The following DAPK2 variants were observed in gnomAD, a reference collection of about 807,000 sequenced individuals.
The protein encoded by DAPK2 is death associated protein kinase 2.
DAPK2 carries 35 observed loss-of-function variants against 44.1 expected under a neutral mutation model. The ratio of observed to expected loss-of-function variants is 0.79; its 90% confidence interval spans 0.61 to 1.05. The LOEUF (loss-of-function observed/expected upper bound fraction) is 1.05, where lower values mean the gene tolerates loss of function less well. DAPK2 is among the 50% of genes least tolerant of loss of function. DAPK2 has a pLI of 0.00. For synonymous variants in DAPK2, 174 were observed against 182.6 expected, an observed-to-expected ratio of 0.95 and a Z score of 0.38; for missense variants, 453 against 483.2, an observed-to-expected ratio of 0.94 and a Z score of 0.59.
rs1279498462 is a variant in DAPK2 at position 63,923,106 on chromosome 15, TG to T, written c.858+1709del. Reference sequence around the variant, plus strand: ...TACCAAGCTTCCTTCTCATTGAAGATGGAGACCAGGGCCTCCACATCGTCCT... The same window carrying T: ...TACCAAGCTTCCTTCTCATTGAAGATGAGACCAGGGCCTCCACATCGTCCT... On this transcript the variant is annotated intron_variant, in intron 8 of 10. Transcript: ENST00000261891. This position sits in a 1 kb window ranked among gnomAD's most constrained non-coding sequence, Gnocchi z 4.2. 1 of 1,535,784 alleles carries T rather than the reference TG, an allele frequency of 6.5e-7. No individual in the cohort carries two copies. Among genetic ancestry groups the T allele is most frequent in the African/African-American group, 1.4e-5 (1 of 73,038 alleles).
At chr15:63,956,139 T>C (rs2077716163) in intron 3 of DAPK2, among the ~76,000 whole-genome samples, 1 of 152,220 alleles carries the variant, frequency 6.6e-6, no homozygotes, top group Non-Finnish European at 1.5e-5. Context: ...GTATCAGTTG[T>C]AATGTCTCCT....
At chr15:63,989,569 G>A (rs769649131) in intron 1 of DAPK2, among the ~76,000 whole-genome samples, 7 of 152,178 alleles carry the variant, frequency 4.6e-5, no homozygotes, top group South Asian at 2.1e-4. Flanking sequence ...AACAGTATTC[G>A]ACATTGTTTT....
In DAPK2 at chr15:63,923,456, G is replaced by A. The variant is rs527349558; in HGVS notation, c.858+1360C>T. 180 of 1,460,040 alleles carry A rather than the reference G, an allele frequency of 1.2e-4. No homozygotes were observed. Among genetic ancestry groups the A allele is most frequent in the Admixed American group, 3.1e-4 (13 of 41,582 alleles). The allele number at this position is 1,460,040 out of a possible 1,614,324, so 90.4% of individuals were successfully genotyped here. A position where few individuals can be genotyped will look rare whatever the true frequency, so the allele number is the denominator to read the frequency against. On this transcript the variant is annotated intron_variant, in intron 8 of 10. Transcript: ENST00000261891. This position sits in a 1 kb window ranked among gnomAD's most constrained non-coding sequence, Gnocchi z 4.2. ...GCGGCCTCTGGCATTCACTGCATGCGTCAGGCCATGGGGAGAACCAGGGTG... is the reference window on the plus strand; with the variant it reads ...GCGGCCTCTGGCATTCACTGCATGCATCAGGCCATGGGGAGAACCAGGGTG...
At chr15:64,036,844 C>G (rs2080225265) in intron 1 of DAPK2, among the ~76,000 whole-genome samples, 1 of 152,128 alleles carries the variant, frequency 6.6e-6, no homozygotes, top group Non-Finnish European at 1.5e-5. Flanking sequence ...CCCATGCCTT[C>G]CTCCTAGAAG....
chr15:63,947,454 C>A lies in DAPK2; in HGVS notation c.454-8093G>T, dbSNP rs1017269746. On this transcript the variant is annotated intron_variant, in intron 3 of 10. Transcript: ENST00000261891. Reference sequence around the variant, plus strand: ...GGACAAATAAAGAAATGGGCCAATGCGGTCACATATGCATCTCTCACACAT... The same window carrying A: ...GGACAAATAAAGAAATGGGCCAATGAGGTCACATATGCATCTCTCACACAT... Among the ~76,000 whole-genome samples the A allele has an allele frequency of 5.9e-5, 9 of 152,314 alleles. No homozygotes were observed. In the East Asian group the frequency reaches 1.4e-3, roughly 23 times the overall value.
intron 1 of DAPK2, among the ~76,000 whole-genome samples, chr15:64,035,684 C>A (rs540925516): frequency 1.3e-5 from 2 of 152,328 alleles, no homozygotes; most frequent in East Asian, 3.9e-4. Flanking sequence ...CTGATTGCTA[C>A]CAAGGCTGGG....
chr15:63,944,786 C>A (rs140357335), intron 3 of DAPK2, among the ~76,000 whole-genome samples: 1 of 152,148 alleles, frequency 6.6e-6, no homozygotes, highest in Non-Finnish European at 1.5e-5. Flanking sequence ...CACTGGCCAC[C>A]GGAGAAAGTC....
intron 2 of DAPK2, among the ~76,000 whole-genome samples, chr15:63,981,703 C>T (rs895164270): frequency 7.3e-5 from 11 of 151,226 alleles, no homozygotes; most frequent in African/African-American, 2.7e-4. Context: ...AGTGGCTCGG[C>T]CTTTCCAGAA....
chr15:63,933,374 G>A (rs2077031509), intron 4 of DAPK2, among the ~76,000 whole-genome samples: 1 of 152,054 alleles, frequency 6.6e-6, no homozygotes, highest in Non-Finnish European at 1.5e-5. Context: ...CTCCCAAGTA[G>A]CTGGGATTAC....
In DAPK2 at chr15:63,972,039, T is replaced by C. The variant is rs143701423; in HGVS notation, c.315-478A>G. ...ACCTCACAAATGAGATTAGTGCCCT[T>C]ATAAAAGAGACCCCAGAGGGCTTAC... On this transcript the variant is annotated intron_variant, in intron 2 of 10. Coordinates refer to ENST00000261891, the Ensembl canonical transcript of DAPK2. Among the ~76,000 whole-genome samples the C allele has an allele frequency of 4.2e-3, 633 of 152,336 alleles. 4 individuals are homozygous for C. Among genetic ancestry groups the C allele is most frequent in the African/African-American group, 0.015 (604 of 41,564 alleles).
intron 4 of DAPK2, among the ~76,000 whole-genome samples, chr15:63,931,107 G>T (rs2079539654): frequency 6.6e-6 from 1 of 151,552 alleles, no homozygotes; most frequent in Admixed American, 6.6e-5. Context: ...GAGAGAACTT[G>T]TTTGCCCCTT....
chr15:64,023,498 G>A (rs2079750125), intron 1 of DAPK2, among the ~76,000 whole-genome samples: 1 of 152,220 alleles, frequency 6.6e-6, no homozygotes, highest in Admixed American at 6.5e-5. Context: ...ACAGAGCTGG[G>A]ACAGAGGATA....
At chr15:63,926,696 G>A (rs192842882) in intron 6 of DAPK2, among the ~76,000 whole-genome samples, 141 of 152,278 alleles carry the variant, frequency 9.3e-4, no homozygotes, top group African/African-American at 2.7e-3. Context: ...TCAGATTTCA[G>A]TTGTTCATGG....
chr15:63,907,276 T>A (rs760745211), exon 11 of DAPK2: 2 of 152,134 alleles, frequency 1.3e-5, no homozygotes, highest in South Asian at 2.1e-4. Context: ...AGTGCCTTTC[T>A]AAAGACCCCA....
At chr15:63,944,964 C>T (rs2077411034) in intron 3 of DAPK2, among the ~76,000 whole-genome samples, 1 of 152,190 alleles carries the variant, frequency 6.6e-6, no homozygotes, top group Non-Finnish European at 1.5e-5. Flanking sequence ...GCTTGGAATG[C>T]CTGTCCTACT....
chr15:63,982,381 G>A (rs1595848528), intron 2 of DAPK2, among the ~76,000 whole-genome samples: 2 of 152,014 alleles, frequency 1.3e-5, no homozygotes, highest in East Asian at 3.9e-4. Flanking sequence ...AGTAGAGATG[G>A]GGTTTCACCA....
rs531315161 is a variant in DAPK2 at position 64,039,791 on chromosome 15, A to T, written c.92+379T>A. On this transcript the variant is annotated intron_variant, in intron 1 of 10. Coordinates refer to ENST00000261891, the Ensembl canonical transcript of DAPK2. Reference sequence around the variant, plus strand: ...CCTCCCATTCAAGTTCTGAGCTTAAAACAAAACCCTGGGAACCATGGAGAA... The same window carrying T: ...CCTCCCATTCAAGTTCTGAGCTTAATACAAAACCCTGGGAACCATGGAGAA... Among the ~76,000 whole-genome samples the T allele has an allele frequency of 6.6e-5, 10 of 152,262 alleles. No individual in the cohort carries two copies. In the East Asian group the frequency reaches 1.9e-3, roughly 29 times the overall value.
At chr15:63,997,674 T>C (rs1285055140) in intron 1 of DAPK2, among the ~76,000 whole-genome samples, 3 of 152,156 alleles carry the variant, frequency 2.0e-5, no homozygotes, top group Non-Finnish European at 4.4e-5. Context: ...AAATGGTCTC[T>C]TTCCTCTAGA....
At position 63,912,185 on chromosome 15, in the gene DAPK2, G is replaced by C. The variant is rs772407366; in HGVS notation, c.871C>G (p.Gln291Glu). The C allele has an allele frequency of 2.6e-5, 42 of 1,613,962 alleles. No individual in the cohort carries two copies. Among genetic ancestry groups the C allele is most frequent in the Non-Finnish European group, 3.4e-5 (40 of 1,180,012 alleles). Reference sequence around the variant, plus strand: ...GACTCCCTGCGCACCATGGCTTGCTGGTTGTCCACCGGCTGAGAGACAAAG... The same window carrying C: ...GACTCCCTGCGCACCATGGCTTGCTCGTTGTCCACCGGCTGAGAGACAAAG... The change falls in exon 9 of 11, where the codon CAG (glutamine) becomes GAG (glutamate). Residue 291 changes from glutamine (Q) to glutamate (E), a missense_variant. Physicochemically the swap from Gln to Glu is conservative, Grantham distance 29 (BLOSUM62 2). Transcript: ENST00000261891. The surrounding 1 kb of genome is among the most constrained non-coding windows in gnomAD (Gnocchi z 4.4).
Sources: gnomAD v4.1 joint callset for allele counts (sites outside exome capture counted in the v4.1 genomes callset) on GRCh38, gnomAD v4.1.1 for gene constraint, Gnocchi (gnomAD v3.1) non-coding constraint, MANE v1.5 for transcripts, NCBI Gene and HGNC (gene_info 2026-07-23, HGNC 2026-07-21) for gene names.